KLF3: variants seen among roughly 807,000 people sequenced by gnomAD.
The protein encoded by KLF3 is KLF transcription factor 3, also known as Krueppel-like factor 3.
Under a neutral mutation model 32.7 loss-of-function variants are expected in KLF3, and 6 were observed. The ratio of observed to expected loss-of-function variants is 0.18; its 90% CI spans 0.10 to 0.36. The LOEUF is 0.36. Among genes scored for constraint, KLF3 ranks in the 10% least tolerant of loss-of-function variants. The pLI is 1.00. For missense variants in KLF3, 338 were observed against 449.7 expected, an observed-to-expected ratio of 0.75 and a Z score of 2.25; for synonymous variants, 145 against 172.8, an observed-to-expected ratio of 0.84 and a Z score of 1.26.
intron 2 of KLF3, among the ~76,000 whole-genome samples, chr4:38,686,006 C>A (rs1440061490): frequency 6.6e-6 from 1 of 152,058 alleles, no homozygotes; most frequent in African/African-American, 2.4e-5. Context: ...GGATCTCTTG[C>A]GTTGGTACTG....
chr4:38,692,157 A>T (rs1722893852), intron 4 of KLF3, among the ~76,000 whole-genome samples: 1 of 152,228 alleles, frequency 6.6e-6, no homozygotes, highest in African/African-American at 2.4e-5. Flanking sequence ...GAATTATAGC[A>T]AACTTAAGAG....
At chr4:38,664,900 G>A (rs1040632836) in intron 1 of KLF3, 5 of 151,900 alleles carry the variant, frequency 3.3e-5, no homozygotes, top group African/African-American at 1.2e-4. Flanking sequence ...AGGTAGCGCC[G>A]CGGCCGCGCG....
In KLF3 at chr4:38,689,772, A is replaced by T; in HGVS notation, c.588A>T (p.Lys196Asn). Residue 196 changes from lysine (K) to asparagine (N), a missense_variant, in exon 4 of 6, where the codon AAA (lysine) becomes AAT (asparagine). Around this residue, in one of 2 missense-constraint regions of KLF3, gnomAD observed 272 missense variants for 313.4 expected, o/e 0.87. Transcript: ENST00000261438. ...ESYEKPISQK[K>N]IKIEPGIEPQ... ...ATGAGAAGCCTATATCACAGAAAAA[A>T]ATTAAAATAGAACCTGGGATCGAAC... 6.2e-7 allele frequency: 1 copy of T among 1,609,230 alleles called. No individual in the cohort carries two copies. The highest frequency in any genetic ancestry group is 8.5e-7 in the Non-Finnish European group (1 of 1,177,686).
chr4:38,689,663 G>A, intron 3 of KLF3, 66 bp from the exon 4 acceptor site: 1 of 1,192,272 alleles, frequency 8.4e-7, no homozygotes, highest in Non-Finnish European at 1.2e-6. Flanking sequence ...GAGCTATGCA[G>A]TAAGCTTTTA....
In KLF3 at chr4:38,698,234, A is replaced by G. The variant is rs1287589995; in HGVS notation, c.*971A>G. 3 of 152,390 alleles carry G rather than the reference A, an allele frequency of 2.0e-5. No homozygotes were observed. Among genetic ancestry groups the G allele is most frequent in the African/African-American group, 7.2e-5 (3 of 41,458 alleles). The allele number at this position is 152,390 out of a possible 1,614,324, so 9.4% of individuals were successfully genotyped here. ...GACTCCATGGAATATTTGCCCAGTA[A>G]TGGTAAGAAATCTTTCGGGTAAGAG... On this transcript the variant is annotated 3_prime_UTR_variant, in exon 6 of 6. Coordinates refer to ENST00000261438, the MANE Select transcript of KLF3 (RefSeq NM_016531.6).
rs1352465502 is a variant in KLF3 at position 38,692,804 on chromosome 4, A to C, written c.696-1942A>C. On this transcript the variant is annotated intron_variant, in intron 4 of 5. Coordinates refer to ENST00000261438, the MANE Select transcript of KLF3 (RefSeq NM_016531.6). ...AGAGATTTCTAAAGTTATCTGAAAA[A>C]GATAGTCTCCCAGTATCCCAAAGAC... Among the ~76,000 whole-genome samples the C allele has an allele frequency of 3.9e-5, 6 of 152,208 alleles. No homozygotes were observed. The East Asian group carries it at 7.7e-4, about 20-fold the overall frequency.
At chr4:38,679,918 G>A (rs1722465851) in intron 1 of KLF3, among the ~76,000 whole-genome samples, 1 of 152,172 alleles carries the variant, frequency 6.6e-6, no homozygotes. Context: ...CGGGGAAAAG[G>A]GAAGGTGTTT....
intron 5 of KLF3, among the ~76,000 whole-genome samples, chr4:38,695,722 T>G (rs537720208): frequency 1.3e-5 from 2 of 152,252 alleles, no homozygotes; most frequent in Admixed American, 1.3e-4. Context: ...ATATTAAAAA[T>G]GACATCTTTT....
Position 38,699,222 on chromosome 4 carries a change from G to C in KLF3, c.*1959G>C, listed in dbSNP as rs1723135658. On this transcript the variant is annotated 3_prime_UTR_variant, in exon 6 of 6. Transcript: ENST00000261438. ...TTAGGATACTAAAACATCCTAATTG[G>C]GCTGTTTTTTTGTTTTGTTTTGTTT... 1 of 151,944 alleles carries C rather than the reference G, an allele frequency of 6.6e-6. No homozygotes were observed. Among genetic ancestry groups the C allele is most frequent in the Admixed American group, 6.6e-5 (1 of 15,262 alleles). 9.4% of individuals were successfully genotyped at this position (151,944 alleles called of 1,614,324 possible).
rs1229701389 is a variant in KLF3, at chr4:38,665,161, C to A, written c.-40+700C>A. The stretch of plus-strand genomic sequence containing the variant: ...CCAGGAGCTGCCAGGGCGTCTGGAT[C>A]CTCCGGGGCAGGAGAAATGAGCTGG... On this transcript the variant is annotated intron_variant, in intron 1 of 5. Transcript: ENST00000261438. Among the ~76,000 whole-genome samples, 3 of 152,252 alleles carry A rather than the reference C, an allele frequency of 2.0e-5. No individual in the cohort carries two copies. In the East Asian group the frequency reaches 5.8e-4, roughly 29 times the overall value.
Position 38,668,472 on chromosome 4 carries a change from C to A in KLF3, c.-40+4011C>A, listed in dbSNP as rs184884513. On this transcript the variant is annotated intron_variant, in intron 1 of 5. Coordinates refer to ENST00000261438, the MANE Select transcript of KLF3 (RefSeq NM_016531.6). ...TTTAAATGTCACATTCCACCACATT[C>A]TTTATGTATAAATGGAAAATATAAA... Among the ~76,000 whole-genome samples the A allele has an allele frequency of 1.8e-3, 278 of 151,986 alleles. 5 individuals are homozygous for A. The highest frequency in any genetic ancestry group is 0.017 in the Admixed American group (264 of 15,258).
rs537372858 is a variant in KLF3, at chr4:38,698,359, G to A, written c.*1096G>A. ...ATTCCCTTATCAAATTAATCACATAGCTTTTATACAGAAACTCTTCCTGTG... is the reference window on the plus strand; with the variant it reads ...ATTCCCTTATCAAATTAATCACATAACTTTTATACAGAAACTCTTCCTGTG... On this transcript the variant is annotated 3_prime_UTR_variant, in exon 6 of 6. Coordinates refer to ENST00000261438, the MANE Select transcript of KLF3 (RefSeq NM_016531.6). 8 of 152,644 alleles carry A rather than the reference G, an allele frequency of 5.2e-5. No individual in the cohort carries two copies. The highest frequency in any genetic ancestry group is 2.0e-4 in the Admixed American group (3 of 15,288). The allele number at this position is 152,644 out of a possible 1,614,324, so 9.5% of individuals were successfully genotyped here.
At chr4:38,682,381 G>A (rs1722556510) in intron 2 of KLF3, among the ~76,000 whole-genome samples, 1 of 152,196 alleles carries the variant, frequency 6.6e-6, no homozygotes, top group Non-Finnish European at 1.5e-5. Flanking sequence ...TACTTCGAAT[G>A]TTATTCAGTG....
intron 1 of KLF3, among the ~76,000 whole-genome samples, chr4:38,666,309 T>C (rs779795498): frequency 3.3e-5 from 5 of 152,214 alleles, no homozygotes; most frequent in Non-Finnish European, 7.3e-5. Context: ...ATTGTTTTAT[T>C]CACTGCAAAG....
At position 38,696,186 on chromosome 4, in the gene KLF3, G is replaced by GAAAA. The variant is rs57996051; in HGVS notation, c.857-877_857-874dup. On this transcript the variant is annotated intron_variant, in intron 5 of 5. Coordinates refer to ENST00000261438, the MANE Select transcript of KLF3 (RefSeq NM_016531.6). ...TATTTGGGTGACAGTTTAGATGTAG[G>GAAAA]AAAAAAAAAAAAAAAAAAAAAACGC... Among the ~76,000 whole-genome samples, 11 of 99,246 alleles carry GAAAA rather than the reference G, an allele frequency of 1.1e-4. 1 individual carries two copies. The highest frequency in any genetic ancestry group is 4.0e-4 in the South Asian group (1 of 2,500). The allele number at this position is 99,246 out of a possible 152,430, so 65.1% of individuals were successfully genotyped here.
At chr4:38,675,940 A>AT (rs1722334096) in intron 1 of KLF3, among the ~76,000 whole-genome samples, 1 of 152,192 alleles carries the variant, frequency 6.6e-6, no homozygotes, top group Non-Finnish European at 1.5e-5. Context: ...CTCTTTTATG[A>AT]TTGTAGATCA....
chr4:38,667,283 T>A, intron 1 of KLF3, among the ~76,000 whole-genome samples: 1 of 152,212 alleles, frequency 6.6e-6, no homozygotes, highest in Non-Finnish European at 1.5e-5. Flanking sequence ...GTTTCAAGGC[T>A]GGGGTTTGCG....
chr4:38,677,443 G>C (rs337615), intron 1 of KLF3, among the ~76,000 whole-genome samples: 131,639 of 152,264 alleles, frequency 0.86, 57,513 homozygotes, highest in African/African-American at 0.97. Context: ...GTTGCTGTGG[G>C]CATTAGACAA....
At chr4:38,693,665 A>C (rs1398302688) in intron 4 of KLF3, among the ~76,000 whole-genome samples, 3 of 152,210 alleles carry the variant, frequency 2.0e-5, no homozygotes, top group Non-Finnish European at 4.4e-5. Flanking sequence ...CTATAGATTC[A>C]AATATGAAAG....
Sources: allele counts gnomAD v4.1 joint callset (sites outside exome capture counted in the v4.1 genomes callset), GRCh38; gene constraint gnomAD v4.1.1; regional missense constraint gnomAD v4.1.1; transcripts MANE v1.5; gene names NCBI Gene and HGNC (gene_info 2026-07-23, HGNC 2026-07-21).